ASB5: variants seen among roughly 807,000 people sequenced by gnomAD.
The protein encoded by ASB5 is ankyrin repeat and SOCS box containing 5, also known as ankyrin repeat and SOCS box protein 5.
A neutral mutation model predicts 42.1 loss-of-function variants in ASB5; 45 were observed. The ratio of observed to expected loss-of-function variants is 1.07; its 90% confidence interval spans 0.84 to 1.37. The LOEUF (loss-of-function observed/expected upper bound fraction) is 1.37, where lower values mean the gene tolerates loss of function less well. ASB5 is among the 40% of genes most tolerant of loss of function. The pLI is 0.00. For synonymous variants in ASB5, 147 were observed against 150.6 expected, an observed-to-expected ratio of 0.98 and a Z score of 0.18; for missense variants, 402 against 399.8, an observed-to-expected ratio of 1.01 and a Z score of -0.05.
chr4:176,226,312 C>T (rs1479204894), intron 1 of ASB5, among the ~76,000 whole-genome samples: 2 of 152,184 alleles, frequency 1.3e-5, no homozygotes, highest in Admixed American at 6.5e-5. Flanking sequence ...GACATCAGAA[C>T]TCCAGGCTTT....
In ASB5 at chr4:176,221,047, A is replaced by G; in HGVS notation, c.670+108T>C. 4 of 1,326,274 alleles carry G rather than the reference A, an allele frequency of 3.0e-6. No homozygotes were observed. The South Asian group carries it at 7.2e-5, about 24-fold the overall frequency. 82.2% of individuals were successfully genotyped at this position (1,326,274 alleles called of 1,614,324 possible). On this transcript the variant is annotated intron_variant, in intron 5 of 6. Coordinates refer to ENST00000296525, the MANE Select transcript of ASB5 (RefSeq NM_080874.4). ...ATTCATGTGTGAAAATGCTTAAAAT[A>G]AGAACATTTTTTAGCAATGAGATCT...
At position 176,218,159 on chromosome 4, in the gene ASB5, CATTTGTATGATATATAAATATATAT is replaced by C. The variant is rs1206690798; in HGVS notation, c.671-1175_671-1151del. On this transcript the variant is annotated intron_variant, in intron 5 of 6. Coordinates refer to ENST00000296525, the MANE Select transcript of ASB5 (RefSeq NM_080874.4). ...TATTTGTATGATATATAAATATATACATTTGTATGATATATAAATATATATATTTGTATGATATATAAATATATAT... is the reference window on the plus strand; with the variant it reads ...TATTTGTATGATATATAAATATATACATTTGTATGATATATAAATATATAT... Among the ~76,000 whole-genome samples the C allele has an allele frequency of 1.3e-3, 87 of 67,856 alleles. 7 individuals are homozygous for C. Among genetic ancestry groups the C allele is most frequent in the Non-Finnish European group, 2.4e-3 (72 of 30,344 alleles). The allele number at this position is 67,856 out of a possible 152,430, so 44.5% of individuals were successfully genotyped here.
At chr4:176,271,074 A>C (rs1754460948), upstream of ASB5, among the ~76,000 whole-genome samples, 1 of 152,206 alleles carries the variant, frequency 6.6e-6, no homozygotes, top group South Asian at 2.1e-4. Context: ...TCGGTGCATT[A>C]AGTTTAAATC....
intron 1 of ASB5, among the ~76,000 whole-genome samples, chr4:176,267,236 T>C (rs1754375094): frequency 6.6e-6 from 1 of 152,252 alleles, no homozygotes; most frequent in African/African-American, 2.4e-5. Flanking sequence ...TTTTAAAATT[T>C]AGTTTTCTAT....
In ASB5 at chr4:176,222,417, A is replaced by C; in HGVS notation, c.280T>G (p.Tyr94Asp). The C allele has an allele frequency of 6.2e-7, 1 of 1,611,146 alleles. No homozygotes were observed. Among genetic ancestry groups the C allele is most frequent in the Non-Finnish European group, 8.5e-7 (1 of 1,177,734 alleles). ...LALRTLLSQG[Y>D]NVNAVTLDHV... ...TCTAAGGTTACTGCATTTACATTATAACCCTAAATGTGGCATAATTTTGAA... is the reference window on the plus strand; with the variant it reads ...TCTAAGGTTACTGCATTTACATTATCACCCTAAATGTGGCATAATTTTGAA... Residue 94 changes from tyrosine to aspartate, a missense_variant, in exon 3 of 7, where the codon TAT becomes GAT. Transcript: ENST00000296525.
intron 1 of ASB5, among the ~76,000 whole-genome samples, chr4:176,257,706 C>A (rs918066638): frequency 6.6e-6 from 1 of 152,170 alleles, no homozygotes; most frequent in Non-Finnish European, 1.5e-5. Context: ...GTCGACAAGG[C>A]GCATGGATGG....
chr4:176,222,422 T>G lies in ASB5; in HGVS notation c.277-2A>C. The G allele has an allele frequency of 2.5e-6, 4 of 1,607,908 alleles. No individual in the cohort carries two copies. Among genetic ancestry groups the G allele is most frequent in the Non-Finnish European group, 3.4e-6 (4 of 1,174,946 alleles). On this transcript the variant is annotated splice_acceptor_variant, in intron 2 of 6. Transcript: ENST00000296525. LOFTEE classifies it high-confidence loss of function. ...GGTTACTGCATTTACATTATAACCC[T>G]AAATGTGGCATAATTTTGAAAGGTG... is the stretch of plus-strand genomic sequence containing the variant.
chr4:176,274,085 C>G (rs1366285508), upstream of ASB5, among the ~76,000 whole-genome samples: 4 of 152,056 alleles, frequency 2.6e-5, no homozygotes, highest in African/African-American at 9.7e-5. Context: ...CAGGGGGAGG[C>G]TAAGATAGCA....
At chr4:176,245,899 G>C (rs1015238531) in intron 1 of ASB5, among the ~76,000 whole-genome samples, 1 of 152,050 alleles carries the variant, frequency 6.6e-6, no homozygotes, top group African/African-American at 2.4e-5. Context: ...GGCCTGTCGT[G>C]GGGTGGGGAC....
At chr4:176,225,446 C>A in intron 1 of ASB5, 105 bp from the exon 2 acceptor site, 1 of 934,888 alleles carries the variant, frequency 1.1e-6, no homozygotes, top group South Asian at 1.5e-5. Context: ...TATTCACACT[C>A]AGTGTTCAAC....
intron 1 of ASB5, among the ~76,000 whole-genome samples, chr4:176,243,364 T>C (rs936575650): frequency 1.3e-5 from 2 of 152,130 alleles, no homozygotes; most frequent in African/African-American, 4.8e-5. Flanking sequence ...TGATTAAAAT[T>C]TTTCTCCTTA....
At chr4:176,250,950 C>T (rs1416097212) in intron 1 of ASB5, among the ~76,000 whole-genome samples, 1 of 152,186 alleles carries the variant, frequency 6.6e-6, no homozygotes, top group Non-Finnish European at 1.5e-5. Flanking sequence ...TTTGTCCACA[C>T]ACCGTTTTAT....
In ASB5 at chr4:176,248,330, G is replaced by C. The variant is rs62341400; in HGVS notation, c.196+20583C>G. The stretch of plus-strand genomic sequence containing the variant: ...TTTTGTACAGATGGGGTTTTGCCAC[G>C]TTGCCCAAGCTGGTCTCCTGAGCTC... On this transcript the variant is annotated intron_variant, in intron 1 of 6. Transcript: ENST00000296525. 6.0e-3 allele frequency among the ~76,000 whole-genome samples: 906 copies of C among 152,126 alleles called. 7 individuals are homozygous for C. Among genetic ancestry groups the C allele is most frequent in the Non-Finnish European group, 9.6e-3 (652 of 67,992 alleles).
At chr4:176,230,469 A>T (rs980607404) in intron 1 of ASB5, among the ~76,000 whole-genome samples, 1 of 152,168 alleles carries the variant, frequency 6.6e-6, no homozygotes, top group Non-Finnish European at 1.5e-5. Context: ...TAGAACATGT[A>T]TACCACTCAA....
Position 176,250,022 on chromosome 4 carries a change from A to G in ASB5, c.196+18891T>C, listed in dbSNP as rs566939053. ...GGAGCTTGCAGTGAGCCGAGATCAC[A>G]CCACTGCACTCCAGCCTGGGTGACA... On this transcript the variant is annotated intron_variant, in intron 1 of 6. Coordinates refer to ENST00000296525, the MANE Select transcript of ASB5 (RefSeq NM_080874.4). 4.4e-4 allele frequency among the ~76,000 whole-genome samples: 66 copies of G among 150,532 alleles called. 1 individual carries two copies. The highest frequency in any genetic ancestry group is 1.7e-3 in the South Asian group (8 of 4,718).
intron 1 of ASB5, among the ~76,000 whole-genome samples, chr4:176,227,685 G>A (rs1477735664): frequency 2.6e-5 from 4 of 152,020 alleles, no homozygotes; most frequent in African/African-American, 9.7e-5. Flanking sequence ...ACTTGCCTAA[G>A]GTCACACAGC....
At chr4:176,232,785 C>T (rs1428110257) in intron 1 of ASB5, among the ~76,000 whole-genome samples, 2 of 151,966 alleles carry the variant, frequency 1.3e-5, no homozygotes, top group Non-Finnish European at 2.9e-5. Flanking sequence ...CTAGCTATTC[C>T]TTTTTCACTT....
At chr4:176,231,340 A>AGGT (rs1753538128) in intron 1 of ASB5, among the ~76,000 whole-genome samples, 1 of 152,154 alleles carries the variant, frequency 6.6e-6, no homozygotes, top group African/African-American at 2.4e-5. Flanking sequence ...GCCTCCAAAA[A>AGGT]GAAAAACAGC....
chr4:176,256,194 G>C (rs960760400), intron 1 of ASB5, among the ~76,000 whole-genome samples: 7 of 152,164 alleles, frequency 4.6e-5, no homozygotes, highest in Non-Finnish European at 8.8e-5. Flanking sequence ...ACTTGAGGCT[G>C]AGATTCACAC....
Sources: gnomAD v4.1 joint callset for allele counts (sites outside exome capture counted in the v4.1 genomes callset) on GRCh38, gnomAD v4.1.1 for gene constraint, MANE v1.5 for transcripts, NCBI Gene and HGNC (gene_info 2026-07-23, HGNC 2026-07-21) for gene names.